Variants in LINGO2 observed in about 807,000 individuals in gnomAD.
LINGO2 encodes leucine-rich repeat and immunoglobulin-like domain-containing nogo receptor-interacting protein 2.
LINGO2 carries 14 observed loss-of-function variants against 30.6 expected under a neutral mutation model. That is an observed-to-expected ratio of 0.46 (90% CI 0.30 to 0.72). The LOEUF (loss-of-function observed/expected upper bound fraction) is 0.72, where lower values mean the gene tolerates loss of function less well. LINGO2 is among the 30% of genes least tolerant of loss of function. LINGO2 has a pLI of 0.07. For synonymous variants in LINGO2, 317 were observed against 288.5 expected (o/e 1.10, Z -1.00); for missense variants, 729 against 751.7 (o/e 0.97, Z 0.35).
chr9:28,648,198 T>C (rs770227593), intron 1 of LINGO2, among the ~76,000 whole-genome samples: 1 of 152,140 alleles, frequency 6.6e-6, no homozygotes, highest in Non-Finnish European at 1.5e-5. Context: ...ATAAATTTAG[T>C]TCAGGTGATG....
chr9:28,267,408 C>T (rs1822790805), intron 4 of LINGO2, among the ~76,000 whole-genome samples: 2 of 152,134 alleles, frequency 1.3e-5, no homozygotes, highest in South Asian at 4.1e-4. Context: ...TAATCACAAA[C>T]ATTCACACCC....
chr9:28,436,143 A>G (rs1250914324), intron 2 of LINGO2, among the ~76,000 whole-genome samples: 3 of 152,194 alleles, frequency 2.0e-5, no homozygotes, highest in Admixed American at 2.0e-4. Flanking sequence ...CCATAGCAAC[A>G]ACCTGTAATT....
chr9:29,035,798 C>A, the LINGO2 span, among the ~76,000 whole-genome samples: 4 of 151,622 alleles, frequency 2.6e-5, no homozygotes, highest in Admixed American at 6.6e-5. Flanking sequence ...CATTTTAGTC[C>A]CAATTTGTTC....
chr9:28,701,626 T>C, the LINGO2 span, among the ~76,000 whole-genome samples: 1 of 151,956 alleles, frequency 6.6e-6, no homozygotes, highest in Non-Finnish European at 1.5e-5. Flanking sequence ...CTATTCTGGG[T>C]CTTTTGCTTT....
At chr9:28,811,614 A>G in the LINGO2 span, among the ~76,000 whole-genome samples, 1 of 152,026 alleles carries the variant, frequency 6.6e-6, no homozygotes, top group Non-Finnish European at 1.5e-5. Context: ...CTATTCCTCA[A>G]CCAAACTATA....
At chr9:28,865,874 T>C in the LINGO2 span, among the ~76,000 whole-genome samples, 2 of 152,162 alleles carry the variant, frequency 1.3e-5, no homozygotes, top group African/African-American at 2.4e-5. Flanking sequence ...CCAATCCAAA[T>C]GTAAAATTAA....
At chr9:28,865,651 G>A in the LINGO2 span, among the ~76,000 whole-genome samples, 1 of 152,122 alleles carries the variant, frequency 6.6e-6, no homozygotes, top group African/African-American at 2.4e-5. Context: ...GGGCATAGTG[G>A]CTTGCGCCTG....
chr9:29,040,064 T>G, the LINGO2 span, among the ~76,000 whole-genome samples: 1 of 152,152 alleles, frequency 6.6e-6, no homozygotes, highest in Non-Finnish European at 1.5e-5. Context: ...AGAAAAGTGC[T>G]AACTTTGAAA....
intron 3 of LINGO2, among the ~76,000 whole-genome samples, chr9:28,322,546 G>T (rs1825085567): frequency 6.6e-6 from 1 of 151,782 alleles, no homozygotes; most frequent in Admixed American, 6.6e-5. Context: ...CTTTATAGAA[G>T]AGGACACTGA....
the LINGO2 span, among the ~76,000 whole-genome samples, chr9:28,911,287 A>T: frequency 6.6e-6 from 1 of 151,686 alleles, no homozygotes; most frequent in African/African-American, 2.4e-5. Context: ...TCTAACATTC[A>T]ATCTTATTTT....
intron 3 of LINGO2, among the ~76,000 whole-genome samples, chr9:28,353,220 A>G (rs1298364561): frequency 7.3e-6 from 1 of 136,070 alleles, no homozygotes; most frequent in Non-Finnish European, 1.6e-5. Flanking sequence ...CAGGCAACCT[A>G]CAAAATGGGA....
rs530465003 is a variant in LINGO2, at chr9:28,149,868, G to A, written c.-86-137463C>T. Among the ~76,000 whole-genome samples, 30 of 149,722 alleles carry A rather than the reference G, an allele frequency of 2.0e-4. 1 individual carries two copies. The East Asian group carries it at 3.0e-3, about 15-fold the overall frequency. On this transcript the variant is annotated intron_variant, in intron 4 of 5. Coordinates refer to ENST00000379992, the Ensembl canonical transcript of LINGO2. ...GGGAAGTGAGGAGCGCCTCTGCCCAGCCGCCGCCCTGTCTGGGAAGTAAGG... is the reference window on the plus strand; with the variant it reads ...GGGAAGTGAGGAGCGCCTCTGCCCAACCGCCGCCCTGTCTGGGAAGTAAGG...
chr9:28,321,770 T>G (rs958715923), intron 3 of LINGO2, among the ~76,000 whole-genome samples: 1 of 152,140 alleles, frequency 6.6e-6, no homozygotes, highest in Non-Finnish European at 1.5e-5. Flanking sequence ...CTGAACATAT[T>G]TTAGGTCATG....
chr9:29,183,891 G>A, the LINGO2 span, among the ~76,000 whole-genome samples: 25,277 of 150,400 alleles, frequency 0.17, 2,236 homozygotes, highest in East Asian at 0.38. Context: ...CTGCCTACCT[G>A]TTTCTTTTTT....
chr9:29,058,852 C>T, the LINGO2 span, among the ~76,000 whole-genome samples: 3 of 151,592 alleles, frequency 2.0e-5, no homozygotes, highest in Non-Finnish European at 2.9e-5. Context: ...AAAAATAGGT[C>T]GTTACATTTA....
intron 5 of LINGO2, among the ~76,000 whole-genome samples, chr9:28,009,879 A>G (rs1401077056): frequency 6.6e-6 from 1 of 152,212 alleles, no homozygotes; most frequent in Middle Eastern, 3.2e-3. Context: ...GTACATACTC[A>G]AGAGAAGTAA....
At chr9:28,951,184 C>T in the LINGO2 span, among the ~76,000 whole-genome samples, 10 of 152,092 alleles carry the variant, frequency 6.6e-5, no homozygotes, top group Non-Finnish European at 1.3e-4. Context: ...AACTGGCTAG[C>T]CACATGCAGA....
chr9:29,195,661 T>C, the LINGO2 span, among the ~76,000 whole-genome samples: 102 of 152,212 alleles, frequency 6.7e-4, no homozygotes, highest in African/African-American at 2.3e-3. Context: ...GAGGGAAAGA[T>C]CTATGAAGTA....
At chr9:28,591,724 C>T (rs1824922558) in intron 1 of LINGO2, among the ~76,000 whole-genome samples, 1 of 151,926 alleles carries the variant, frequency 6.6e-6, no homozygotes, top group Non-Finnish European at 1.5e-5. Context: ...AGTAATGCAG[C>T]AAAAGATTCC....
Sources: gnomAD v4.1 joint callset for allele counts (sites outside exome capture counted in the v4.1 genomes callset) on GRCh38, gnomAD v4.1.1 for gene constraint, MANE v1.5 for transcripts, NCBI Gene and HGNC (gene_info 2026-07-23, HGNC 2026-07-21) for gene names.